The following FIGN variants were observed in gnomAD, a reference collection of about 807,000 sequenced individuals.
FIGN encodes the protein fidgetin.
FIGN carries 11 observed loss-of-function variants against 51.3 expected under a neutral mutation model. The observed-to-expected ratio is 0.21, with a 90% confidence interval of 0.13 to 0.35. The LOEUF (loss-of-function observed/expected upper bound fraction) is 0.35. Among genes scored for constraint, FIGN ranks in the 10% least tolerant of loss-of-function variants. The probability of loss-of-function intolerance (pLI) is 1.00; values close to 1 mark genes in which losing one functional copy is unlikely to be tolerated. For synonymous variants in FIGN, 407 were observed against 363.2 expected (o/e 1.12, Z -1.37); for missense variants, 857 against 943.6 (o/e 0.91, Z 1.20).
intron 2 of FIGN, among the ~76,000 whole-genome samples, chr2:163,727,309 G>T (rs1684852904): frequency 6.6e-6 from 1 of 151,158 alleles, no homozygotes. Flanking sequence ...TATGGAGATA[G>T]AACACAGAAC....
chr2:163,669,765 A>C (rs976981779), intron 2 of FIGN, among the ~76,000 whole-genome samples: 1 of 152,234 alleles, frequency 6.6e-6, no homozygotes. Flanking sequence ...CAAAGAAATG[A>C]AACTTAATAT....
At chr2:163,700,855 T>C (rs888545143) in intron 2 of FIGN, among the ~76,000 whole-genome samples, 1 of 152,100 alleles carries the variant, frequency 6.6e-6, no homozygotes, top group Admixed American at 6.6e-5. Flanking sequence ...CACACAGCCA[T>C]GATAATCAAT....
intron 2 of FIGN, among the ~76,000 whole-genome samples, chr2:163,730,536 G>A (rs1684911564): frequency 6.6e-6 from 1 of 151,184 alleles, no homozygotes; most frequent in Admixed American, 6.6e-5. Flanking sequence ...GTGTGTGTGT[G>A]TGAATTGAAA....
chr2:163,674,135 A>G (rs1470705077), intron 2 of FIGN, among the ~76,000 whole-genome samples: 1 of 152,172 alleles, frequency 6.6e-6, no homozygotes, highest in Non-Finnish European at 1.5e-5. Context: ...ATGATACTAT[A>G]CATGTAATTG....
At chr2:163,735,765 G>A (rs1435824499) in intron 1 of FIGN, 73 bp downstream of exon 1, 1 of 152,526 alleles carries the variant, frequency 6.6e-6, no homozygotes, top group Non-Finnish European at 1.5e-5. Flanking sequence ...GGTCTTGGAT[G>A]TATTTATATT....
At chr2:163,661,755 T>C (rs1216040453) in intron 2 of FIGN, among the ~76,000 whole-genome samples, 4 of 152,184 alleles carry the variant, frequency 2.6e-5, no homozygotes, top group Non-Finnish European at 4.4e-5. Context: ...TCTCACAAGA[T>C]CTGATGGGTT....
intron 2 of FIGN, among the ~76,000 whole-genome samples, chr2:163,702,238 TG>T (rs769352319): frequency 6.6e-5 from 10 of 152,154 alleles, no homozygotes; most frequent in Non-Finnish European, 7.4e-5. Context: ...TTTGTACTAT[TG>T]TTCTCATTAA....
intron 2 of FIGN, among the ~76,000 whole-genome samples, chr2:163,675,999 C>G (rs1006564212): frequency 2.0e-5 from 3 of 151,678 alleles, no homozygotes; most frequent in Non-Finnish European, 4.4e-5. Flanking sequence ...GCATGGCCTA[C>G]AAGATCATTG....
chr2:163,691,002 T>C (rs1367823755), intron 2 of FIGN, among the ~76,000 whole-genome samples: 1 of 152,174 alleles, frequency 6.6e-6, no homozygotes, highest in African/African-American at 2.4e-5. Flanking sequence ...TTTTTCAATA[T>C]GCTGTTGGGT....
intron 2 of FIGN, among the ~76,000 whole-genome samples, chr2:163,694,907 C>T (rs1295819474): frequency 6.6e-6 from 1 of 152,112 alleles, no homozygotes; most frequent in African/African-American, 2.4e-5. Flanking sequence ...CCTGCCTCGG[C>T]CACCTGAGTA....
chr2:163,618,447 C>G (rs1470675605), intron 2 of FIGN, among the ~76,000 whole-genome samples: 1 of 150,316 alleles, frequency 6.7e-6, no homozygotes, highest in African/African-American at 2.5e-5. Flanking sequence ...GAAGGCATTT[C>G]TGGCTAAATG....
chr2:163,616,731 G>A (rs556300034), intron 2 of FIGN, among the ~76,000 whole-genome samples: 1 of 151,918 alleles, frequency 6.6e-6, no homozygotes, highest in South Asian at 2.1e-4. Context: ...TATTAGCAAG[G>A]GTTTCTCTGA....
intron 2 of FIGN, among the ~76,000 whole-genome samples, chr2:163,674,085 C>G (rs1223023114): frequency 1.3e-5 from 2 of 152,052 alleles, no homozygotes; most frequent in African/African-American, 4.8e-5. Flanking sequence ...AATCAGAACC[C>G]TGGTTTTCTC....
In FIGN at chr2:163,714,376, T is replaced by C. The variant is rs80275789; in HGVS notation, c.25+20527A>G. ...TTTCTGTCCTTACAGATGTTGACTA[T>C]TGTGTCTAATCACATCTAGGAAGCA... On this transcript the variant is annotated intron_variant, in intron 2 of 2. Coordinates refer to ENST00000333129, the MANE Select transcript of FIGN (RefSeq NM_018086.4). Among the ~76,000 whole-genome samples, 246 of 152,292 alleles carry C rather than the reference T, an allele frequency of 1.6e-3. 1 individual carries two copies. Among genetic ancestry groups the C allele is most frequent in the African/African-American group, 5.8e-3 (239 of 41,560 alleles).
chr2:163,612,898 T>C (rs1430616352), intron 2 of FIGN, among the ~76,000 whole-genome samples: 1 of 151,968 alleles, frequency 6.6e-6, no homozygotes, highest in East Asian at 1.9e-4. Flanking sequence ...GGGCATACGC[T>C]AGAGGAGTAC....
chr2:163,634,406 C>G (rs1288435516), intron 2 of FIGN, among the ~76,000 whole-genome samples: 2 of 152,032 alleles, frequency 1.3e-5, no homozygotes, highest in Admixed American at 1.3e-4. Context: ...CTTTCTCATA[C>G]TTTATATCTT....
intron 2 of FIGN, among the ~76,000 whole-genome samples, chr2:163,713,131 T>C (rs1313148506): frequency 6.6e-6 from 1 of 152,244 alleles, no homozygotes; most frequent in Non-Finnish European, 1.5e-5. Flanking sequence ...CAGAAGTCAT[T>C]GTCCTTAAAT....
At chr2:163,643,765 C>A (rs138705167) in intron 2 of FIGN, among the ~76,000 whole-genome samples, 2,084 of 150,708 alleles carry the variant, frequency 0.014, 48 homozygotes, top group African/African-American at 0.049. Context: ...ACTAGCCTGG[C>A]CAATATGGTG....
intron 2 of FIGN, among the ~76,000 whole-genome samples, chr2:163,708,207 G>C (rs113775719): frequency 6.6e-6 from 1 of 152,096 alleles, no homozygotes; most frequent in South Asian, 2.1e-4. Context: ...TGCACACTAC[G>C]CTGTGTTTAT....
Sources: gnomAD v4.1 joint callset for allele counts (sites outside exome capture counted in the v4.1 genomes callset) on GRCh38, gnomAD v4.1.1 for gene constraint, MANE v1.5 for transcripts, NCBI Gene and HGNC (gene_info 2026-07-23, HGNC 2026-07-21) for gene names.